Variants in HIKESHI observed in about 807,000 individuals in gnomAD.
HIKESHI encodes heat shock protein nuclear import factor hikeshi, also known as protein Hikeshi.
HIKESHI carries 13 observed loss-of-function variants against 25.7 expected under a neutral mutation model. The observed-to-expected ratio is 0.51, with a 90% CI of 0.33 to 0.80. The LOEUF (loss-of-function observed/expected upper bound fraction) is 0.80, where lower values mean the gene tolerates loss of function less well. Among genes scored for constraint, HIKESHI ranks in the 30% least tolerant of loss-of-function variants. The pLI, the probability that HIKESHI is intolerant of heterozygous loss-of-function variation, is 0.02. For synonymous variants in HIKESHI, 76 were observed against 78.7 expected, an observed-to-expected ratio of 0.97 and a Z score of 0.18; for missense variants, 174 against 229.5, an observed-to-expected ratio of 0.76 and a Z score of 1.56.
At chr11:86,313,548 C>G (rs1462602226) in intron 2 of HIKESHI, among the ~76,000 whole-genome samples, 2 of 152,096 alleles carry the variant, frequency 1.3e-5, no homozygotes, top group African/African-American at 2.4e-5. Flanking sequence ...TATTCTCCTA[C>G]AAACTGTTTA....
rs142039537 is a variant in HIKESHI, at chr11:86,342,258, T to C, written c.421-2345T>C. ...TTTGGGAAAAAAACCTAAGATGCCT[T>C]TATGTGTTCTGGATAATAATCCTTT... is the stretch of plus-strand genomic sequence containing the variant. On this transcript the variant is annotated intron_variant, in intron 3 of 4. Coordinates refer to ENST00000278483, the MANE Select transcript of HIKESHI (RefSeq NM_016401.4). Among the ~76,000 whole-genome samples the C allele has an allele frequency of 3.1e-3, 465 of 152,354 alleles. 2 individuals are homozygous for C. The highest frequency in any genetic ancestry group is 0.01 in the African/African-American group (423 of 41,586).
intron 2 of HIKESHI, among the ~76,000 whole-genome samples, chr11:86,315,410 T>A (rs956535576): frequency 9.2e-5 from 14 of 151,870 alleles, no homozygotes; most frequent in Non-Finnish European, 4.4e-5. Context: ...AACCTCCGCC[T>A]CCTGGGTTCA....
chr11:86,339,077 A>G (rs962698420), intron 3 of HIKESHI, among the ~76,000 whole-genome samples: 2 of 151,992 alleles, frequency 1.3e-5, no homozygotes, highest in Admixed American at 1.3e-4. Context: ...ACGGAGTCTC[A>G]CTCTGTCGCC....
At position 86,345,587 on chromosome 11, in the gene HIKESHI, T is replaced by C. The variant is rs1947850593; in HGVS notation, c.543T>C (p.Tyr181=). 1 of 1,540,988 alleles carries C rather than the reference T, an allele frequency of 6.5e-7. No homozygotes were observed. Among genetic ancestry groups the C allele is most frequent in the Non-Finnish European group, 8.9e-7 (1 of 1,128,058 alleles). The stretch of plus-strand genomic sequence containing the variant: ...ATATATGTGTTTTCTTTTCTAGGTA[T>C]GAAAACTTTCAAAGACGACTAGCAC... ...FIPANVVLKW[Y]ENFQRRLAQN... Residue 181 remains tyrosine, a synonymous_variant, in exon 5 of 5, where the codon TAT becomes TAC. Coordinates refer to ENST00000278483, the MANE Select transcript of HIKESHI (RefSeq NM_016401.4).
intron 2 of HIKESHI, among the ~76,000 whole-genome samples, chr11:86,335,785 T>G (rs1451918931): frequency 6.6e-6 from 1 of 152,144 alleles, no homozygotes; most frequent in East Asian, 1.9e-4. Context: ...ACAACTACAA[T>G]AAACAGCAAC....
At chr11:86,306,187 T>G in intron 1 of HIKESHI, 58 bp from the exon 2 acceptor site, 11 of 1,108,680 alleles carry the variant, frequency 9.9e-6, no homozygotes, top group Non-Finnish European at 1.5e-5. Flanking sequence ...AATGATACTG[T>G]TAAGAGTTAC....
At chr11:86,341,047 T>G (rs1168110796) in intron 3 of HIKESHI, among the ~76,000 whole-genome samples, 1 of 152,228 alleles carries the variant, frequency 6.6e-6, no homozygotes, top group Non-Finnish European at 1.5e-5. Context: ...CTCCCCTTTT[T>G]AATCTATTTT....
At chr11:86,338,019 A>G (rs1247355370) in intron 3 of HIKESHI, among the ~76,000 whole-genome samples, 4 of 152,136 alleles carry the variant, frequency 2.6e-5, no homozygotes, top group Admixed American at 2.6e-4. Flanking sequence ...CACAGTCATC[A>G]TTTTTTTGTA....
intron 2 of HIKESHI, among the ~76,000 whole-genome samples, chr11:86,326,833 T>G (rs539430954): frequency 8.5e-5 from 13 of 152,196 alleles, no homozygotes; most frequent in African/African-American, 3.1e-4. Context: ...GAGTGAAAGG[T>G]GAGGTGTTAA....
intron 2 of HIKESHI, among the ~76,000 whole-genome samples, chr11:86,312,973 C>G (rs1157003219): frequency 6.6e-6 from 1 of 152,160 alleles, no homozygotes; most frequent in Non-Finnish European, 1.5e-5. Flanking sequence ...CGAGCTTTCT[C>G]TCTGGCTGCC....
chr11:86,323,931 T>A (rs1261935156), intron 2 of HIKESHI: 1 of 152,216 alleles, frequency 6.6e-6, no homozygotes, highest in African/African-American at 2.4e-5. Context: ...GAAAATGGAT[T>A]TGTTTTCATT....
intron 2 of HIKESHI, among the ~76,000 whole-genome samples, chr11:86,306,695 A>G (rs554628112): frequency 1.3e-5 from 2 of 152,040 alleles, no homozygotes; most frequent in Non-Finnish European, 2.9e-5. Flanking sequence ...GTGTAGTATA[A>G]CCTTCATAAA....
At chr11:86,330,231 A>G (rs1401839485) in intron 2 of HIKESHI, among the ~76,000 whole-genome samples, 1 of 152,238 alleles carries the variant, frequency 6.6e-6, no homozygotes, top group Non-Finnish European at 1.5e-5. Context: ...TTTGACAACT[A>G]TGAAACCAGA....
chr11:86,344,994 G>A (rs1565747008), intron 4 of HIKESHI: 3 of 550,996 alleles, frequency 5.4e-6, no homozygotes, highest in Non-Finnish European at 8.4e-6. Context: ...AAATATTTGT[G>A]TATTTTCATT....
chr11:86,341,317 A>G (rs1004130372), intron 3 of HIKESHI, among the ~76,000 whole-genome samples: 15 of 148,654 alleles, frequency 1.0e-4, no homozygotes, highest in Non-Finnish European at 1.8e-4. Flanking sequence ...CAACGATTAC[A>G]TTTCTTTTCT....
intron 4 of HIKESHI, 48 bp downstream of exon 4, chr11:86,344,769 T>A: frequency 8.2e-7 from 1 of 1,218,318 alleles, no homozygotes; most frequent in Non-Finnish European, 1.2e-6. Context: ...TATAACTGAA[T>A]ATCTATTTTG....
intron 2 of HIKESHI, among the ~76,000 whole-genome samples, chr11:86,310,577 T>A (rs1946809656): frequency 6.6e-6 from 1 of 152,222 alleles, no homozygotes; most frequent in South Asian, 2.1e-4. Flanking sequence ...CTGATTGCCC[T>A]GGCCAGAACT....
chr11:86,314,725 A>G (rs1407578697), intron 2 of HIKESHI, among the ~76,000 whole-genome samples: 1 of 152,248 alleles, frequency 6.6e-6, no homozygotes. Context: ...TTTAAGGAGC[A>G]GATTAAGTCC....
chr11:86,325,432 C>T (rs921887090), intron 2 of HIKESHI, among the ~76,000 whole-genome samples: 2 of 152,078 alleles, frequency 1.3e-5, no homozygotes, highest in African/African-American at 4.8e-5. Context: ...ATACATTTTA[C>T]CCCGTTGCTG....
Sources: gnomAD v4.1 joint callset for allele counts (sites outside exome capture counted in the v4.1 genomes callset) on GRCh38, gnomAD v4.1.1 for gene constraint, MANE v1.5 for transcripts, NCBI Gene and HGNC (gene_info 2026-07-23, HGNC 2026-07-21) for gene names.